Variants in ATG16L1 observed in about 807,000 individuals in gnomAD.
ATG16L1 encodes autophagy related 16 like 1.
Under a neutral mutation model 88.5 loss-of-function variants are expected in ATG16L1, and 37 were observed. The ratio of observed to expected loss-of-function variants is 0.42; its 90% confidence interval spans 0.32 to 0.55. The LOEUF is 0.55. ATG16L1 is among the 20% of genes least tolerant of loss of function. ATG16L1 has a pLI of 0.13. For missense variants in ATG16L1, 554 were observed against 752.8 expected, an observed-to-expected ratio of 0.74 and a Z score of 3.09; for synonymous variants, 301 against 281.0, an observed-to-expected ratio of 1.07 and a Z score of -0.71.
intron 6 of ATG16L1, 50 bp downstream of exon 6, chr2:233,270,117 CTT>C: frequency 6.6e-7 from 1 of 1,504,786 alleles, no homozygotes; most frequent in Non-Finnish European, 8.9e-7. Flanking sequence ...ATTTGGCTCT[CTT>C]AAAAGTTTTG....
chr2:233,256,123 C>T lies in ATG16L1; in HGVS notation c.137C>T (p.Ser46Leu). Reference sequence around the variant, plus strand: ...ATAGATAACAAATTGCTGGAAAAGTCAGATCTTCATTCAGTGTTGGCCCAG... The same window carrying T: ...ATAGATAACAAATTGCTGGAAAAGTTAGATCTTCATTCAGTGTTGGCCCAG... ...ILQYNKLLEK[S>L]DLHSVLAQKL... The change falls in exon 2 of 18, where the codon TCA (serine) becomes TTA (leucine). Residue 46 changes from serine (S) to leucine (L), a missense_variant. Ser to Leu is a moderately radical substitution (Grantham distance 145). Transcript: ENST00000392017. The T allele has an allele frequency of 6.2e-7, 1 of 1,613,922 alleles. No individual in the cohort carries two copies. Among genetic ancestry groups the T allele is most frequent in the Non-Finnish European group, 8.5e-7 (1 of 1,179,928 alleles).
intron 12 of ATG16L1, among the ~76,000 whole-genome samples, chr2:233,286,067 T>C (rs571383152): frequency 6.6e-6 from 1 of 152,276 alleles, no homozygotes; most frequent in East Asian, 1.9e-4. Context: ...TCTCTCGTGG[T>C]GTGGTGAAGT....
intron 3 of ATG16L1, among the ~76,000 whole-genome samples, chr2:233,263,517 G>T (rs1215517763): frequency 1.3e-5 from 2 of 152,130 alleles, no homozygotes; most frequent in African/African-American, 4.8e-5. Flanking sequence ...GAACAAAAAA[G>T]CCTGCTACCT....
At chr2:233,275,927 A>AC (rs1698330682) in intron 9 of ATG16L1, 1 of 519,096 alleles carries the variant, frequency 1.9e-6, no homozygotes, top group African/African-American at 1.9e-5. Flanking sequence ...ATCCAACAAA[A>AC]CCAGTTACAC....
chr2:233,282,165 C>T (rs1698759737), intron 11 of ATG16L1, among the ~76,000 whole-genome samples: 1 of 152,200 alleles, frequency 6.6e-6, no homozygotes, highest in East Asian at 1.9e-4. Flanking sequence ...GGAACTGTGA[C>T]AGTGCTGAAG....
intron 9 of ATG16L1, among the ~76,000 whole-genome samples, 154 bp downstream of exon 9, chr2:233,274,932 A>G (rs1295987189): frequency 6.6e-6 from 1 of 152,170 alleles, no homozygotes; most frequent in Non-Finnish European, 1.5e-5. Context: ...TGAGAAATTG[A>G]TATATTTTGC....
At chr2:233,269,979 T>C (rs778574117) in intron 5 of ATG16L1, 23 bp from the exon 6 acceptor site, 3 of 121,920 alleles carry the variant, frequency 2.5e-5, no homozygotes, top group Non-Finnish European at 4.5e-5. Flanking sequence ...AATGGTGGGC[T>C]TTTTTTTTTT....
At chr2:233,256,415 G>C (rs1696778075) in intron 2 of ATG16L1, among the ~76,000 whole-genome samples, 1 of 152,224 alleles carries the variant, frequency 6.6e-6, no homozygotes, top group Non-Finnish European at 1.5e-5. Context: ...CTCTGAGCTT[G>C]AGAAATTTCT....
rs1699335894 is a variant in ATG16L1, at chr2:233,289,769, G to A, written c.1204-85G>A. On this transcript the variant is annotated intron_variant, in intron 12 of 17. Coordinates refer to ENST00000392017, the MANE Select transcript of ATG16L1 (RefSeq NM_030803.7). ...CAGGGTGGTCTGACACTCTGACTCT[G>A]GAGGTAAGGATGCTGTGGATACTTT... The A allele has an allele frequency of 2.6e-6, 4 of 1,559,976 alleles. No homozygotes were observed. The South Asian group carries it at 4.5e-5, about 17-fold the overall frequency.
chr2:233,257,874 G>A (rs777639325), intron 2 of ATG16L1, among the ~76,000 whole-genome samples: 24 of 151,954 alleles, frequency 1.6e-4, no homozygotes, highest in Admixed American at 8.5e-4. Flanking sequence ...GCATGGTGGC[G>A]GGCGCCTGTA....
intron 2 of ATG16L1, 60 bp downstream of exon 2, chr2:233,256,255 G>A: frequency 1.4e-6 from 2 of 1,380,396 alleles, no homozygotes; most frequent in South Asian, 1.2e-5. Flanking sequence ...TCTCAGTTCA[G>A]TTGTCACTTC....
chr2:233,260,569 C>T (rs549906328), intron 2 of ATG16L1, among the ~76,000 whole-genome samples: 72 of 152,330 alleles, frequency 4.7e-4, no homozygotes, highest in Non-Finnish European at 8.2e-4. Context: ...GGAATCTGTG[C>T]TTGAAACATG....
intron 9 of ATG16L1, among the ~76,000 whole-genome samples, chr2:233,276,431 A>G (rs1279217539): frequency 1.3e-5 from 2 of 152,216 alleles, no homozygotes; most frequent in East Asian, 1.9e-4. Flanking sequence ...TTTACTGCCC[A>G]TAATCTTCTT....
At chr2:233,275,777 T>TCAG (rs767476448) in intron 9 of ATG16L1, 2 of 519,288 alleles carry the variant, frequency 3.9e-6, no homozygotes, top group South Asian at 2.8e-5. Context: ...TCACGGTCCC[T>TCAG]TTGTTGCCCT....
At position 233,289,920 on chromosome 2, in the gene ATG16L1, GTC is replaced by G; in HGVS notation, c.1273_1274del (p.Ser425ArgfsTer29). 6.2e-7 allele frequency: 1 copy of G among 1,614,214 alleles called. No individual in the cohort carries two copies. The highest frequency in any genetic ancestry group is 8.5e-7 in the Non-Finnish European group (1 of 1,180,040). Reference sequence around the variant, plus strand: ...GTTCCTGCTGGACAATGCGCGGATTGTCTCAGGAAGTCACGACCGGACTCTCA... The same window carrying G: ...GTTCCTGCTGGACAATGCGCGGATTGTCAGGAAGTCACGACCGGACTCTCA... ...AKFLLDNARI[V>X]SGSHDRTLKL... On this transcript the variant is annotated frameshift_variant, in exon 13 of 18. Coordinates refer to ENST00000392017, the MANE Select transcript of ATG16L1 (RefSeq NM_030803.7). LOFTEE classifies it high-confidence loss of function.
intron 13 of ATG16L1, 29 bp from the exon 14 acceptor site, chr2:233,290,219 T>G (rs375608021): frequency 1.6e-4 from 257 of 1,608,944 alleles, no homozygotes; most frequent in Non-Finnish European, 2.1e-4. Context: ...GTGCCTCTGC[T>G]TGATTAATGA....
chr2:233,274,168 A>G, intron 8 of ATG16L1: 1 of 1,061,366 alleles, frequency 9.4e-7, no homozygotes, highest in Non-Finnish European at 1.4e-6. Flanking sequence ...GCATGTTCCT[A>G]GGAATGCCGG....
At chr2:233,252,616 G>T (rs1407271994) in intron 1 of ATG16L1, among the ~76,000 whole-genome samples, 1 of 151,948 alleles carries the variant, frequency 6.6e-6, no homozygotes, top group Non-Finnish European at 1.5e-5. Context: ...TCCAACTCCT[G>T]CGCTCAAACG....
At chr2:233,283,326 C>T (rs550251086) in intron 12 of ATG16L1, among the ~76,000 whole-genome samples, 5 of 151,888 alleles carry the variant, frequency 3.3e-5, no homozygotes, top group African/African-American at 1.2e-4. Context: ...GGGCGGAGGG[C>T]GAAGCATGTA....
Sources: allele counts gnomAD v4.1 joint callset (sites outside exome capture counted in the v4.1 genomes callset), GRCh38; gene constraint gnomAD v4.1.1; transcripts MANE v1.5; gene names NCBI Gene and HGNC (gene_info 2026-07-23, HGNC 2026-07-21).